Variants in CNTNAP2 observed in about 807,000 individuals in gnomAD.
CNTNAP2 encodes the protein contactin associated protein 2.
CNTNAP2 carries 98 observed loss-of-function variants against 155.2 expected under a neutral mutation model. That is an observed-to-expected ratio of 0.63 (90% CI 0.54 to 0.75). CNTNAP2 has a LOEUF of 0.75. CNTNAP2 is among the 30% of genes least tolerant of loss of function. The pLI, the probability that CNTNAP2 is intolerant of heterozygous loss-of-function variation, is 0.00. For synonymous variants in CNTNAP2, 651 were observed against 631.2 expected, an observed-to-expected ratio of 1.03 and a Z score of -0.47; for missense variants, 1,727 against 1,688.1, an observed-to-expected ratio of 1.02 and a Z score of -0.40.
intron 10 of CNTNAP2, among the ~76,000 whole-genome samples, chr7:147,428,302 C>T (rs545160606): frequency 7.9e-5 from 12 of 152,192 alleles, no homozygotes; most frequent in Middle Eastern, 3.4e-3. Context: ...ATGACTTTGC[C>T]CTTACTAACT....
intron 11 of CNTNAP2, among the ~76,000 whole-genome samples, chr7:147,525,056 G>A (rs917563970): frequency 6.6e-6 from 1 of 152,170 alleles, no homozygotes; most frequent in Non-Finnish European, 1.5e-5. Context: ...GGAAAGTCGG[G>A]GGCTGGCATT....
chr7:147,540,472 G>C (rs954566139), intron 11 of CNTNAP2, among the ~76,000 whole-genome samples: 2 of 152,134 alleles, frequency 1.3e-5, no homozygotes, highest in Admixed American at 1.3e-4. Flanking sequence ...ACCTATGACA[G>C]ATATAAAGAG....
intron 3 of CNTNAP2, among the ~76,000 whole-genome samples, chr7:147,033,810 A>C (rs1473977479): frequency 4.6e-5 from 7 of 152,124 alleles, no homozygotes; most frequent in East Asian, 1.9e-4. Flanking sequence ...AAAAAAAAAA[A>C]AAAACACAGG....
intron 13 of CNTNAP2, among the ~76,000 whole-genome samples, chr7:147,871,050 T>C (rs7794345): frequency 0.56 from 85,305 of 151,966 alleles, 24,448 homozygotes; most frequent in African/African-American, 0.68. Flanking sequence ...TTATGGCCCC[T>C]CGGTCACCCA....
At chr7:147,235,421 T>A (rs1174741714) in intron 8 of CNTNAP2, among the ~76,000 whole-genome samples, 1 of 151,784 alleles carries the variant, frequency 6.6e-6, no homozygotes, top group Non-Finnish European at 1.5e-5. Context: ...ATTTGTTCTA[T>A]TTCTCTGAAG....
At chr7:147,140,668 A>G (rs1801573817) in intron 8 of CNTNAP2, among the ~76,000 whole-genome samples, 1 of 152,060 alleles carries the variant, frequency 6.6e-6, no homozygotes, top group African/African-American at 2.4e-5. Flanking sequence ...GCAGAAAACT[A>G]GTAAAGTTCA....
At chr7:146,489,558 CACACA>C (rs1797108384) in intron 1 of CNTNAP2, among the ~76,000 whole-genome samples, 1 of 152,074 alleles carries the variant, frequency 6.6e-6, no homozygotes, top group Non-Finnish European at 1.5e-5. Context: ...CGGCCAGTGA[CACACA>C]CACCCCCACC....
chr7:147,825,231 G>C (rs139549577), intron 13 of CNTNAP2, among the ~76,000 whole-genome samples: 45 of 152,254 alleles, frequency 3.0e-4, no homozygotes, highest in Non-Finnish European at 5.9e-4. Flanking sequence ...ATACTTATTT[G>C]TCTCTATGGG....
chr7:146,424,658 A>G (rs1796062176), intron 1 of CNTNAP2, among the ~76,000 whole-genome samples: 1 of 152,214 alleles, frequency 6.6e-6, no homozygotes, highest in Non-Finnish European at 1.5e-5. Context: ...ATATCCGTGT[A>G]GGGAACTATT....
chr7:147,337,439 T>G (rs1795684192), intron 9 of CNTNAP2, among the ~76,000 whole-genome samples: 1 of 152,156 alleles, frequency 6.6e-6, no homozygotes. Flanking sequence ...TCTTCAATGT[T>G]GCATTTCCAA....
intron 1 of CNTNAP2, among the ~76,000 whole-genome samples, chr7:146,302,202 TA>T (rs1377462535): frequency 6.6e-6 from 1 of 152,180 alleles, no homozygotes; most frequent in Non-Finnish European, 1.5e-5. Context: ...ATGAAAGATT[TA>T]AAAATTTAAA....
chr7:148,241,848 A>C (rs1264121676), intron 20 of CNTNAP2, among the ~76,000 whole-genome samples: 1 of 152,168 alleles, frequency 6.6e-6, no homozygotes, highest in Non-Finnish European at 1.5e-5. Flanking sequence ...TGAATTATGC[A>C]CTCCAGGGCT....
At chr7:147,600,969 A>G (rs968032734) in intron 12 of CNTNAP2, among the ~76,000 whole-genome samples, 2 of 152,192 alleles carry the variant, frequency 1.3e-5, no homozygotes, top group Non-Finnish European at 2.9e-5. Flanking sequence ...CTGGCATAAT[A>G]TAAGTATGAA....
At position 147,062,367 on chromosome 7, in the gene CNTNAP2, A is replaced by G. The variant is rs568679312; in HGVS notation, c.550+18313A>G. On this transcript the variant is annotated intron_variant, in intron 4 of 23. Transcript: ENST00000361727. ...AGAATTATTCACAATGTCATTCCCA[A>G]TGTCACTTTTTAGTTTAGAGCAGAG... Among the ~76,000 whole-genome samples, 34 of 152,032 alleles carry G rather than the reference A, an allele frequency of 2.2e-4. No homozygotes were observed. The Middle Eastern group carries it at 0.014, about 61-fold the overall frequency.
intron 1 of CNTNAP2, among the ~76,000 whole-genome samples, chr7:146,184,655 A>G (rs1228741350): frequency 2.0e-5 from 3 of 152,166 alleles, no homozygotes; most frequent in African/African-American, 7.2e-5. Context: ...CCCCAGGTGG[A>G]TATTGGTACT....
intron 11 of CNTNAP2, among the ~76,000 whole-genome samples, chr7:147,539,457 C>G (rs970919245): frequency 6.6e-6 from 1 of 152,148 alleles, no homozygotes; most frequent in African/African-American, 2.4e-5. Context: ...AGTCCAGGCA[C>G]TTAGACAGTG....
At chr7:147,992,883 A>G (rs1318458846) in intron 15 of CNTNAP2, among the ~76,000 whole-genome samples, 1 of 152,228 alleles carries the variant, frequency 6.6e-6, no homozygotes, top group East Asian at 1.9e-4. Context: ...TGTATTAAGT[A>G]TTCCTTAATT....
chr7:147,426,823 TTGGA>T (rs751231663), intron 10 of CNTNAP2, among the ~76,000 whole-genome samples: 11 of 151,946 alleles, frequency 7.2e-5, no homozygotes, highest in African/African-American at 1.2e-4. Flanking sequence ...TTAGTTTTTG[TTGGA>T]TGGATGGATG....
chr7:146,145,359 A>C (rs1430473084), intron 1 of CNTNAP2, among the ~76,000 whole-genome samples: 3 of 152,204 alleles, frequency 2.0e-5, no homozygotes, highest in Non-Finnish European at 4.4e-5. Flanking sequence ...AAATTAGACG[A>C]GAACATACTA....
Sources: allele counts gnomAD v4.1 joint callset (sites outside exome capture counted in the v4.1 genomes callset), GRCh38; gene constraint gnomAD v4.1.1; transcripts MANE v1.5; gene names NCBI Gene and HGNC (gene_info 2026-07-23, HGNC 2026-07-21).